Variants in SLCO5A1 observed in about 807,000 individuals in gnomAD.
SLCO5A1 encodes the protein solute carrier organic anion transporter family member 5A1.
A neutral mutation model predicts 65.1 loss-of-function variants in SLCO5A1; 39 were observed. The observed-to-expected ratio is 0.60, with a 90% CI of 0.46 to 0.78. The LOEUF (loss-of-function observed/expected upper bound fraction) is 0.78. Among genes scored for constraint, SLCO5A1 ranks in the 30% least tolerant of loss-of-function variants. The pLI is 0.00. For synonymous variants in SLCO5A1, 438 were observed against 415.7 expected (o/e 1.05, Z -0.65); for missense variants, 1,029 against 1,069.4 (o/e 0.96, Z 0.53).
chr8:69,820,001 G>A (rs7820604), intron 2 of SLCO5A1, among the ~76,000 whole-genome samples: 3 of 151,942 alleles, frequency 2.0e-5, no homozygotes, highest in Admixed American at 6.6e-5. Flanking sequence ...TATTTTCTGC[G>A]TACTAGGGCA....
In SLCO5A1 at chr8:69,817,598, A is replaced by C. The variant is rs140386615; in HGVS notation, c.907+14169T>G. On this transcript the variant is annotated intron_variant, in intron 2 of 9. Transcript: ENST00000260126. ...TTGCCCAAATCCTTTCATCCTTTGG[A>C]ATCTGGGCTTCCTTGCCTGCCAAAT... 3.3e-5 allele frequency among the ~76,000 whole-genome samples: 5 copies of C among 152,242 alleles called. No homozygotes were observed. The East Asian group carries it at 9.7e-4, about 29-fold the overall frequency.
intron 2 of SLCO5A1, among the ~76,000 whole-genome samples, chr8:69,808,166 T>C (rs1179382072): frequency 6.6e-6 from 1 of 151,622 alleles, no homozygotes; most frequent in East Asian, 1.9e-4. Flanking sequence ...ATGAAAGCTT[T>C]TTTTTTTTTT....
Position 69,831,798 on chromosome 8 carries a change from A to G in SLCO5A1, c.876T>C (p.Asn292=). The stretch of plus-strand genomic sequence containing the variant: ...ACAAGGAGGAGTTTTCTTTCTTGAC[A>G]TTGTCATCTAAGTAGGTTGGTCCCA... ...YTLGPTYLDD[N]VKKENSSLYL... Residue 292 remains asparagine (N), a synonymous_variant, in exon 2 of 10, where the codon AAT becomes AAC. Transcript: ENST00000260126. 6.2e-7 allele frequency: 1 copy of G among 1,614,088 alleles called. No individual in the cohort carries two copies. The highest frequency in any genetic ancestry group is 8.5e-7 in the Non-Finnish European group (1 of 1,180,022).
intron 2 of SLCO5A1, among the ~76,000 whole-genome samples, chr8:69,819,494 T>C (rs1461575758): frequency 2.0e-5 from 3 of 152,224 alleles, no homozygotes; most frequent in Non-Finnish European, 4.4e-5. Flanking sequence ...TATCGGTTTT[T>C]AAAAGTGATA....
chr8:69,745,486 T>C (rs1816975757), intron 4 of SLCO5A1, among the ~76,000 whole-genome samples: 1 of 152,172 alleles, frequency 6.6e-6, no homozygotes. Flanking sequence ...ATAGATAAGT[T>C]AGTATTACTA....
At chr8:69,790,447 A>C (rs1440553184) in intron 2 of SLCO5A1, among the ~76,000 whole-genome samples, 1 of 152,084 alleles carries the variant, frequency 6.6e-6, no homozygotes, top group Non-Finnish European at 1.5e-5. Flanking sequence ...TCACCTAAAC[A>C]CTTAATATCC....
At chr8:69,783,634 A>G (rs1468479662) in intron 2 of SLCO5A1, among the ~76,000 whole-genome samples, 2 of 152,124 alleles carry the variant, frequency 1.3e-5, no homozygotes, top group Non-Finnish European at 2.9e-5. Flanking sequence ...TGGAATTTGC[A>G]TATCTGGTTG....
At chr8:69,739,072 A>T (rs1163289947) in intron 4 of SLCO5A1, among the ~76,000 whole-genome samples, 1 of 152,212 alleles carries the variant, frequency 6.6e-6, no homozygotes, top group East Asian at 1.9e-4. Context: ...AACAAAATAG[A>T]GCTGTATGTA....
chr8:69,796,687 G>A (rs1254324648), intron 2 of SLCO5A1, among the ~76,000 whole-genome samples: 5 of 151,062 alleles, frequency 3.3e-5, no homozygotes, highest in Admixed American at 2.0e-4. Flanking sequence ...GTATATATAC[G>A]TGTGTATGTA....
chr8:69,713,577 A>T (rs1267371633), intron 5 of SLCO5A1: 5 of 152,254 alleles, frequency 3.3e-5, no homozygotes, highest in Admixed American at 2.6e-4. Context: ...TAAATACAGT[A>T]TCTCATTTAA....
At chr8:69,703,984 C>T (rs887263941) in intron 6 of SLCO5A1, among the ~76,000 whole-genome samples, 20 of 152,288 alleles carry the variant, frequency 1.3e-4, no homozygotes, top group Admixed American at 1.3e-3. Flanking sequence ...TGTTCAGGGT[C>T]GACAAGTTGG....
At chr8:69,817,191 A>G (rs1039168290) in intron 2 of SLCO5A1, among the ~76,000 whole-genome samples, 10 of 152,102 alleles carry the variant, frequency 6.6e-5, no homozygotes, top group Non-Finnish European at 1.0e-4. Flanking sequence ...GGCAACAACT[A>G]TTCTACTTTT....
intron 2 of SLCO5A1, among the ~76,000 whole-genome samples, chr8:69,811,508 A>G (rs942036645): frequency 1.2e-4 from 19 of 152,182 alleles, no homozygotes; most frequent in African/African-American, 4.6e-4. Context: ...AGCCCAGCCA[A>G]GAACACTCTG....
In SLCO5A1 at chr8:69,746,998, C is replaced by T. The variant is rs759834085; in HGVS notation, c.1258+8426G>A. On this transcript the variant is annotated intron_variant, in intron 4 of 9. Coordinates refer to ENST00000260126, the MANE Select transcript of SLCO5A1 (RefSeq NM_030958.3). ...TCACCCAGGGTCAGGTACCAGACAA[C>T]TGGAGATCATCCTTATAGCCCACAG... 1.3e-4 allele frequency among the ~76,000 whole-genome samples: 20 copies of T among 152,278 alleles called. 1 individual carries two copies. Among genetic ancestry groups the T allele is most frequent in the Admixed American group, 7.8e-4 (12 of 15,292 alleles).
intron 1 of SLCO5A1, 83 bp downstream of exon 1, chr8:69,834,771 C>G (rs1171357656): frequency 7.8e-6 from 1 of 128,006 alleles, no homozygotes; most frequent in Non-Finnish European, 1.6e-5. Context: ...CACACACACA[C>G]ACACACACAG....
At chr8:69,726,087 C>A (rs911145143) in intron 5 of SLCO5A1, among the ~76,000 whole-genome samples, 1 of 152,176 alleles carries the variant, frequency 6.6e-6, no homozygotes, top group Non-Finnish European at 1.5e-5. Context: ...TCAGTGTGAG[C>A]GTGCACACAT....
At chr8:69,767,985 C>A (rs982484569) in intron 2 of SLCO5A1, among the ~76,000 whole-genome samples, 2 of 151,804 alleles carry the variant, frequency 1.3e-5, no homozygotes, top group Non-Finnish European at 2.9e-5. Flanking sequence ...GTAATCCCAG[C>A]ACTTTGGGAG....
At chr8:69,801,520 A>G (rs1819735937) in intron 2 of SLCO5A1, among the ~76,000 whole-genome samples, 1 of 152,238 alleles carries the variant, frequency 6.6e-6, no homozygotes. Context: ...TTTACAGCAA[A>G]GTACATTACT....
intron 2 of SLCO5A1, among the ~76,000 whole-genome samples, chr8:69,815,428 T>A (rs7818415): frequency 0.52 from 78,507 of 151,822 alleles, 20,453 homozygotes; most frequent in African/African-American, 0.58. Context: ...TTTTTGTCCA[T>A]TTGTTTATTT....
Sources: allele counts gnomAD v4.1 joint callset (sites outside exome capture counted in the v4.1 genomes callset), GRCh38; gene constraint gnomAD v4.1.1; transcripts MANE v1.5; gene names NCBI Gene and HGNC (gene_info 2026-07-23, HGNC 2026-07-21).